CERS6: variants seen among roughly 807,000 people sequenced by gnomAD.
CERS6 encodes LAG1 homolog, ceramide synthase 6.
In CERS6, 26 loss-of-function variants were observed where a neutral mutation model predicts 56.8. That is an observed-to-expected ratio of 0.46 (90% CI 0.34 to 0.63). The LOEUF is 0.63. Among genes scored for constraint, CERS6 ranks in the 30% least tolerant of loss-of-function variants. The pLI, the probability that CERS6 is intolerant of heterozygous loss-of-function variation, is 0.01. For synonymous variants in CERS6, 164 were observed against 173.3 expected, an observed-to-expected ratio of 0.95 and a Z score of 0.42; for missense variants, 415 against 467.5, an observed-to-expected ratio of 0.89 and a Z score of 1.04.
intron 4 of CERS6, among the ~76,000 whole-genome samples, chr2:168,656,433 C>T (rs1293569619): frequency 6.6e-6 from 1 of 152,012 alleles, no homozygotes; most frequent in African/African-American, 2.4e-5. Context: ...GGTGGCGCGT[C>T]TGGAGTCTGT....
chr2:168,746,798 T>TAC (rs1168786695), intron 8 of CERS6, among the ~76,000 whole-genome samples: 3 of 110,424 alleles, frequency 2.7e-5, no homozygotes, highest in Non-Finnish European at 3.8e-5. Context: ...TATATATATA[T>TAC]ATATATATAT....
intron 1 of CERS6, among the ~76,000 whole-genome samples, chr2:168,521,994 T>A (rs1222751787): frequency 2.0e-5 from 3 of 152,242 alleles, no homozygotes; most frequent in Non-Finnish European, 2.9e-5. Flanking sequence ...CCTATTTTTG[T>A]AGATGTATTA....
intron 8 of CERS6, among the ~76,000 whole-genome samples, chr2:168,749,305 A>T (rs1684193342): frequency 6.6e-6 from 1 of 152,204 alleles, no homozygotes; most frequent in Non-Finnish European, 1.5e-5. Flanking sequence ...ATAACCATGG[A>T]TGAATCTGAG....
intron 3 of CERS6, among the ~76,000 whole-genome samples, chr2:168,629,365 A>C (rs1473997172): frequency 1.3e-5 from 2 of 152,112 alleles, no homozygotes. Context: ...AGGCAAATGC[A>C]TGAAGTAGGC....
intron 4 of CERS6, among the ~76,000 whole-genome samples, chr2:168,637,834 C>T (rs1429568441): frequency 6.6e-6 from 1 of 151,674 alleles, no homozygotes; most frequent in African/African-American, 2.4e-5. Context: ...ATGAAGACTC[C>T]TTTTACAGGT....
intron 2 of CERS6, among the ~76,000 whole-genome samples, chr2:168,550,432 C>T (rs141347572): frequency 0.02 from 3,119 of 152,254 alleles, 104 homozygotes; most frequent in African/African-American, 0.071. Flanking sequence ...CCTGCCTCAG[C>T]CTCCCAAAGT....
At chr2:168,725,543 T>A (rs1174295847) in intron 8 of CERS6, among the ~76,000 whole-genome samples, 1 of 152,274 alleles carries the variant, frequency 6.6e-6, no homozygotes, top group Admixed American at 6.5e-5. Context: ...TTGATACAAT[T>A]AACAACAGAC....
intron 6 of CERS6, among the ~76,000 whole-genome samples, chr2:168,697,553 C>CTTTTTTTTTTTTTTTTTTTTTTT (rs113250500): frequency 7.1e-6 from 1 of 141,240 alleles, no homozygotes. Context: ...AACATTCTTC[C>CTTTTTTTTTTTTTTTTTTTTTTT]TTTTTTTTTT....
chr2:168,470,775 A>G (rs1395981620), intron 1 of CERS6, among the ~76,000 whole-genome samples: 4 of 152,136 alleles, frequency 2.6e-5, no homozygotes, highest in Non-Finnish European at 2.9e-5. Context: ...CAGGCAGTCA[A>G]GTGGTTTTGT....
chr2:168,504,059 G>C (rs1694632703), intron 1 of CERS6, among the ~76,000 whole-genome samples: 1 of 152,206 alleles, frequency 6.6e-6, no homozygotes, highest in African/African-American at 2.4e-5. Context: ...TCCCTTAAAG[G>C]CTAGCTGGTG....
chr2:168,702,963 A>G (rs888947568), intron 6 of CERS6, among the ~76,000 whole-genome samples: 2 of 152,252 alleles, frequency 1.3e-5, no homozygotes, highest in Non-Finnish European at 2.9e-5. Flanking sequence ...ACTCTCTAGT[A>G]TTAAGCCAGA....
Position 168,671,451 on chromosome 2 carries a change from A to G in CERS6, c.466-19583A>G, listed in dbSNP as rs148643744. Among the ~76,000 whole-genome samples the G allele has an allele frequency of 7.8e-4, 118 of 152,172 alleles. 1 individual carries two copies. The highest frequency in any genetic ancestry group is 2.6e-3 in the African/African-American group (107 of 41,506). ...CTATTGGAGCTTGTTATAGATGCCAATTTTCCCTATATTTAGACAGTTTTT... is the reference window on the plus strand; with the variant it reads ...CTATTGGAGCTTGTTATAGATGCCAGTTTTCCCTATATTTAGACAGTTTTT... On this transcript the variant is annotated intron_variant, in intron 4 of 9. Coordinates refer to ENST00000305747, the MANE Select transcript of CERS6 (RefSeq NM_203463.3).
At chr2:168,588,829 C>T (rs1172405821) in intron 3 of CERS6, among the ~76,000 whole-genome samples, 1 of 152,220 alleles carries the variant, frequency 6.6e-6, no homozygotes, top group Non-Finnish European at 1.5e-5. Context: ...ACCTCCACCT[C>T]CCGGGTTCAA....
At chr2:168,556,790 T>C (rs557217725) in intron 2 of CERS6, among the ~76,000 whole-genome samples, 5 of 152,102 alleles carry the variant, frequency 3.3e-5, no homozygotes, top group African/African-American at 1.2e-4. Context: ...ACCACAGATA[T>C]AAAATTTTAG....
intron 6 of CERS6, among the ~76,000 whole-genome samples, chr2:168,704,894 G>T (rs185018520): frequency 6.6e-6 from 1 of 152,140 alleles, no homozygotes; most frequent in Non-Finnish European, 1.5e-5. Context: ...CTCCGCACCC[G>T]GCCGCACCTT....
At chr2:168,551,871 G>A (rs1198072338) in intron 2 of CERS6, among the ~76,000 whole-genome samples, 2 of 152,068 alleles carry the variant, frequency 1.3e-5, no homozygotes, top group African/African-American at 4.8e-5. Context: ...TTCTTAACTG[G>A]TTATATTCAG....
intron 3 of CERS6, among the ~76,000 whole-genome samples, chr2:168,601,842 G>A (rs142361033): frequency 1.3e-5 from 2 of 151,998 alleles, no homozygotes; most frequent in African/African-American, 4.8e-5. Context: ...GAGCCACCTC[G>A]CCCAGCCCTC....
rs112011804 is a variant in CERS6 at position 168,715,798 on chromosome 2, A to C, written c.738+669A>C. 8.2e-4 allele frequency among the ~76,000 whole-genome samples: 125 copies of C among 152,294 alleles called. 2 individuals carry two copies. The highest frequency in any genetic ancestry group is 2.7e-3 in the African/African-American group (113 of 41,576). ...AACTGTGGCTCCTGTGAAGAGTCAT[A>C]CTCAATAATGTTCATAATTAAAGTC... is the stretch of plus-strand genomic sequence containing the variant. On this transcript the variant is annotated intron_variant, in intron 7 of 9. Transcript: ENST00000305747.
chr2:168,535,670 T>C (rs533370355), intron 1 of CERS6, among the ~76,000 whole-genome samples: 2,803 of 26,964 alleles, frequency 0.1, 105 homozygotes, highest in East Asian at 0.52. Context: ...TTGATACCAG[T>C]TTTTTTTTTT....
Sources: gnomAD v4.1 joint callset for allele counts (sites outside exome capture counted in the v4.1 genomes callset) on GRCh38, gnomAD v4.1.1 for gene constraint, MANE v1.5 for transcripts, NCBI Gene and HGNC (gene_info 2026-07-23, HGNC 2026-07-21) for gene names.